TMPRSS11A: variants seen among roughly 807,000 people sequenced by gnomAD.
TMPRSS11A encodes the protein transmembrane protease serine 11A.
Under a neutral mutation model 58.9 loss-of-function variants are expected in TMPRSS11A, and 53 were observed. The ratio of observed to expected loss-of-function variants is 0.90; its 90% CI spans 0.72 to 1.13. TMPRSS11A has a LOEUF of 1.13. Among genes scored for constraint, TMPRSS11A ranks in the 50% most tolerant of loss-of-function variants. TMPRSS11A has a pLI of 0.00. For synonymous variants in TMPRSS11A, 167 were observed against 169.8 expected (o/e 0.98, Z 0.13); for missense variants, 493 against 499.3 (o/e 0.99, Z 0.12).
chr4:67,938,363 T>G lies in TMPRSS11A; in HGVS notation c.252+6156A>C, dbSNP rs150095311. Among the ~76,000 whole-genome samples, 233 of 152,330 alleles carry G rather than the reference T, an allele frequency of 1.5e-3. 1 individual carries two copies. Among genetic ancestry groups the G allele is most frequent in the African/African-American group, 5.5e-3 (227 of 41,594 alleles). On this transcript the variant is annotated intron_variant, in intron 3 of 9. Coordinates refer to ENST00000508048, the MANE Select transcript of TMPRSS11A (RefSeq NM_001114387.2). ...TTCTCCCAGTCTGTAGGTTGTTTGT[T>G]TACTCTGTTGATAGTTTCTTTTATT...
intron 1 of TMPRSS11A, among the ~76,000 whole-genome samples, chr4:67,958,615 G>A (rs1321248404): frequency 6.6e-6 from 1 of 152,224 alleles, no homozygotes; most frequent in Non-Finnish European, 1.5e-5. Flanking sequence ...ATAGGCAGAA[G>A]GGACCTGCCT....
intron 5 of TMPRSS11A, among the ~76,000 whole-genome samples, chr4:67,927,956 A>G (rs1720515877): frequency 6.6e-6 from 1 of 152,234 alleles, no homozygotes; most frequent in Non-Finnish European, 1.5e-5. Flanking sequence ...AATTTTACAG[A>G]TGAGAAAATG....
At chr4:67,912,020 A>G (rs923155127) in intron 9 of TMPRSS11A, among the ~76,000 whole-genome samples, 1 of 152,200 alleles carries the variant, frequency 6.6e-6, no homozygotes, top group Non-Finnish European at 1.5e-5. Flanking sequence ...TGGTTAAATT[A>G]ACAGCCTACA....
Position 67,922,858 on chromosome 4 carries a change from C to A in TMPRSS11A, c.589G>T (p.Ala197Ser), listed in dbSNP as rs941180586. ...IASGVIAPKA[A>S]WPWQASLQYD... ...TGAAGGGAAGCTTGCCAAGGCCAGG[C>A]CGCCTTGGGTGCAATGACTCCAGAT... Residue 197 changes from alanine to serine, a missense_variant, in exon 7 of 10, where the codon GCC (alanine) becomes TCC (serine). Transcript: ENST00000508048. The A allele has an allele frequency of 8.7e-6, 14 of 1,613,844 alleles. No individual in the cohort carries two copies. The highest frequency in any genetic ancestry group is 1.2e-5 in the Non-Finnish European group (14 of 1,179,892).
At chr4:67,929,490 A>T (rs1720556050) in intron 5 of TMPRSS11A, among the ~76,000 whole-genome samples, 1 of 152,230 alleles carries the variant, frequency 6.6e-6, no homozygotes, top group South Asian at 2.1e-4. Context: ...ATATATAGAA[A>T]CTATCAATAA....
intron 7 of TMPRSS11A, among the ~76,000 whole-genome samples, chr4:67,922,009 A>G (rs949611630): frequency 1.3e-5 from 2 of 152,244 alleles, no homozygotes; most frequent in East Asian, 3.8e-4. Context: ...AAGTCATTTA[A>G]TCATATATTT....
intron 3 of TMPRSS11A, among the ~76,000 whole-genome samples, chr4:67,941,576 T>C (rs111443497): frequency 0.022 from 3,330 of 152,256 alleles, 86 homozygotes; most frequent in African/African-American, 0.066. Context: ...CATGTTTCCT[T>C]TTCTGCAAGA....
In TMPRSS11A at chr4:67,909,774, T is replaced by C. The variant is rs890068902; in HGVS notation, c.*1568A>G. 1 of 152,078 alleles carries C rather than the reference T, an allele frequency of 6.6e-6. No individual in the cohort carries two copies. Among genetic ancestry groups the C allele is most frequent in the Non-Finnish European group, 1.5e-5 (1 of 67,950 alleles). 9.4% of individuals were successfully genotyped at this position (152,078 alleles called of 1,614,324 possible). A position where few individuals can be genotyped will look rare whatever the true frequency, so the allele number is the denominator to read the frequency against. On this transcript the variant is annotated 3_prime_UTR_variant, in exon 10 of 10. Coordinates refer to ENST00000508048, the MANE Select transcript of TMPRSS11A (RefSeq NM_001114387.2). ...TCAATAAAAATAGTTAAGAATTCAATAAAAATAGTTAAGAATATACTCATA... is the reference window on the plus strand; with the variant it reads ...TCAATAAAAATAGTTAAGAATTCAACAAAAATAGTTAAGAATATACTCATA...
intron 3 of TMPRSS11A, among the ~76,000 whole-genome samples, chr4:67,934,165 A>G (rs991306962): frequency 6.6e-6 from 1 of 152,186 alleles, no homozygotes; most frequent in Admixed American, 6.5e-5. Context: ...CATTTACTAC[A>G]TCGGAGGAGG....
chr4:67,955,009 A>T lies in TMPRSS11A; in HGVS notation c.11+8374T>A, dbSNP rs926415205. On this transcript the variant is annotated intron_variant, in intron 1 of 9. Coordinates refer to ENST00000508048, the MANE Select transcript of TMPRSS11A (RefSeq NM_001114387.2). ...ATTACAGACTTGATAGAAATCAGCC[A>T]TGCTGAGAAAATGAGCATTTTAGTG... Among the ~76,000 whole-genome samples, 4 of 152,242 alleles carry T rather than the reference A, an allele frequency of 2.6e-5. No individual in the cohort carries two copies. In the East Asian group the frequency reaches 7.7e-4, roughly 29 times the overall value.
chr4:67,913,707 G>A (rs1006354271), intron 9 of TMPRSS11A, among the ~76,000 whole-genome samples: 3 of 152,202 alleles, frequency 2.0e-5, no homozygotes, highest in African/African-American at 7.2e-5. Context: ...GAGGCTGGCT[G>A]TGGACCAGAT....
chr4:67,912,255 T>C (rs1577848319), intron 9 of TMPRSS11A, among the ~76,000 whole-genome samples: 1 of 151,468 alleles, frequency 6.6e-6, no homozygotes, highest in African/African-American at 2.4e-5. Flanking sequence ...GTTCTTTTAC[T>C]TCCTCTGAAG....
At chr4:67,941,520 C>T (rs1720878679) in intron 3 of TMPRSS11A, among the ~76,000 whole-genome samples, 1 of 152,176 alleles carries the variant, frequency 6.6e-6, no homozygotes, top group African/African-American at 2.4e-5. Flanking sequence ...ATGTGTGTTA[C>T]TCACATCTTT....
At chr4:67,927,975 G>T (rs1405202815) in intron 5 of TMPRSS11A, among the ~76,000 whole-genome samples, 2 of 152,186 alleles carry the variant, frequency 1.3e-5, no homozygotes, top group African/African-American at 4.8e-5. Flanking sequence ...TGAAGACAAA[G>T]GCATGAGCCA....
At chr4:67,931,911 CATACA>C in intron 4 of TMPRSS11A, 77 bp downstream of exon 4, 1 of 821,214 alleles carries the variant, frequency 1.2e-6, no homozygotes, top group Non-Finnish European at 2.1e-6. Context: ...TCCATGGAGA[CATACA>C]ATACATGAGA....
intron 3 of TMPRSS11A, among the ~76,000 whole-genome samples, chr4:67,939,630 T>C (rs1281690669): frequency 6.6e-6 from 1 of 152,172 alleles, no homozygotes; most frequent in Non-Finnish European, 1.5e-5. Context: ...AAGGGATGTT[T>C]AATTTTATCA....
chr4:67,938,283 G>A (rs184749917), intron 3 of TMPRSS11A, among the ~76,000 whole-genome samples: 3 of 152,178 alleles, frequency 2.0e-5, no homozygotes, highest in Non-Finnish European at 4.4e-5. Context: ...AGTTGTTTAA[G>A]TTCTTTACAG....
intron 1 of TMPRSS11A, among the ~76,000 whole-genome samples, chr4:67,962,229 G>T (rs1032583125): frequency 3.9e-5 from 6 of 152,138 alleles, no homozygotes; most frequent in Non-Finnish European, 7.4e-5. Context: ...GACCCTTTCT[G>T]AGGGTCTCAG....
At chr4:67,929,256 AG>A (rs1278232043) in intron 5 of TMPRSS11A, among the ~76,000 whole-genome samples, 1 of 152,174 alleles carries the variant, frequency 6.6e-6, no homozygotes, top group African/African-American at 2.4e-5. Context: ...ACCTTGATAA[AG>A]GTTTGTTCTC....
Sources: gnomAD v4.1 joint callset for allele counts (sites outside exome capture counted in the v4.1 genomes callset) on GRCh38, gnomAD v4.1.1 for gene constraint, MANE v1.5 for transcripts, NCBI Gene and HGNC (gene_info 2026-07-23, HGNC 2026-07-21) for gene names.